Variants in ADGRL3 observed in about 807,000 individuals in gnomAD.
The protein encoded by ADGRL3 is calcium-independent alpha-latrotoxin receptor 3.
ADGRL3 carries 62 observed loss-of-function variants against 153.5 expected under a neutral mutation model. That is an observed-to-expected ratio of 0.40 (90% CI 0.33 to 0.50). The LOEUF is 0.50. Among genes scored for constraint, ADGRL3 ranks in the 20% least tolerant of loss-of-function variants. The pLI, the probability that ADGRL3 is intolerant of heterozygous loss-of-function variation, is 0.47. For missense variants in ADGRL3, 1,641 were observed against 1,859.4 expected, an observed-to-expected ratio of 0.88 and a Z score of 2.16; for synonymous variants, 710 against 672.5, an observed-to-expected ratio of 1.06 and a Z score of -0.86.
At chr4:61,339,251 A>G (rs2151100466) in intron 1 of ADGRL3, among the ~76,000 whole-genome samples, 1 of 152,316 alleles carries the variant, frequency 6.6e-6, no homozygotes, top group East Asian at 1.9e-4. Flanking sequence ...CCGTAACACA[A>G]TGCTTCACAC....
intron 9 of ADGRL3, among the ~76,000 whole-genome samples, chr4:61,883,130 A>G (rs974073970): frequency 1.3e-5 from 2 of 152,052 alleles, no homozygotes; most frequent in African/African-American, 2.4e-5. Context: ...AACGAAACAA[A>G]ACAAAAAAAT....
intron 5 of ADGRL3, among the ~76,000 whole-genome samples, chr4:61,661,888 A>G (rs1172989905): frequency 1.3e-5 from 2 of 152,252 alleles, no homozygotes; most frequent in Non-Finnish European, 2.9e-5. Context: ...GTATGTATTT[A>G]TCTGTTCTCA....
At chr4:61,720,312 A>G (rs1279749459) in intron 6 of ADGRL3, among the ~76,000 whole-genome samples, 1 of 151,618 alleles carries the variant, frequency 6.6e-6, no homozygotes, top group Non-Finnish European at 1.5e-5. Context: ...CTGGTGTCCA[A>G]CTCCCGACCT....
At chr4:61,742,123 G>C (rs1367854759) in intron 8 of ADGRL3, among the ~76,000 whole-genome samples, 1 of 152,086 alleles carries the variant, frequency 6.6e-6, no homozygotes, top group Non-Finnish European at 1.5e-5. Context: ...TTATCTAGGG[G>C]TTCCACCGTA....
chr4:61,276,895 T>C (rs956444247), intron 1 of ADGRL3, among the ~76,000 whole-genome samples: 3 of 152,126 alleles, frequency 2.0e-5, no homozygotes, highest in Admixed American at 2.0e-4. Flanking sequence ...ATACCCAATA[T>C]TAAACAGAAC....
chr4:61,933,791 C>G (rs1238734017), intron 13 of ADGRL3: 2 of 152,174 alleles, frequency 1.3e-5, no homozygotes, highest in South Asian at 2.1e-4. Flanking sequence ...TTTCTCTAGT[C>G]TCTCCCAGCC....
At chr4:61,462,036 T>A (rs2097826049) in intron 2 of ADGRL3, among the ~76,000 whole-genome samples, 1 of 152,224 alleles carries the variant, frequency 6.6e-6, no homozygotes, top group Non-Finnish European at 1.5e-5. Flanking sequence ...TATTTATACA[T>A]GTAATTAAAT....
At chr4:61,317,214 C>G (rs563827964) in intron 1 of ADGRL3, among the ~76,000 whole-genome samples, 1 of 152,296 alleles carries the variant, frequency 6.6e-6, no homozygotes, top group Admixed American at 6.5e-5. Flanking sequence ...ACCTGTTCTT[C>G]AAGTACATTA....
In ADGRL3 at chr4:61,397,033, TATG is replaced by T. The variant is rs200990360; in HGVS notation, c.-174+13847_-174+13849del. Among the ~76,000 whole-genome samples the T allele has an allele frequency of 9.7e-3, 1,477 of 151,522 alleles. 10 individuals carry two copies. Among genetic ancestry groups the T allele is most frequent in the African/African-American group, 0.012 (513 of 41,460 alleles). ...GGTTTATATTTTATTAGTTTTCTAA[TATG>T]ATAAGTATATATTTATACTATAAAA... On this transcript the variant is annotated intron_variant, in intron 2 of 26. Transcript: ENST00000683033.
At chr4:62,056,633 T>G (rs1232404916) in intron 25 of ADGRL3, among the ~76,000 whole-genome samples, 1 of 151,920 alleles carries the variant, frequency 6.6e-6, no homozygotes, top group Non-Finnish European at 1.5e-5. Flanking sequence ...AAAAATGAAG[T>G]CTCCACTGTG....
rs533162079 is a variant in ADGRL3 at position 61,358,558 on chromosome 4, C to T, written c.-239-24566C>T. Among the ~76,000 whole-genome samples, 24 of 138,780 alleles carry T rather than the reference C, an allele frequency of 1.7e-4. No individual in the cohort carries two copies. The South Asian group carries it at 3.6e-3, about 21-fold the overall frequency. 91.0% of individuals were successfully genotyped at this position (138,780 alleles called of 152,430 possible). A position where few individuals can be genotyped will look rare whatever the true frequency, so the allele number is the denominator to read the frequency against. On this transcript the variant is annotated intron_variant, in intron 1 of 26. Coordinates refer to ENST00000683033, the MANE Select transcript of ADGRL3 (RefSeq NM_001387552.1). ...CTTGCAGTGAGTGGAGATCGTGCCACTGCACTCCAGCCTGGGCGACAGAGC... is the reference window on the plus strand; with the variant it reads ...CTTGCAGTGAGTGGAGATCGTGCCATTGCACTCCAGCCTGGGCGACAGAGC...
chr4:61,907,752 ATAT>A (rs1384864181), intron 11 of ADGRL3, among the ~76,000 whole-genome samples: 5 of 152,110 alleles, frequency 3.3e-5, no homozygotes, highest in African/African-American at 1.2e-4. Flanking sequence ...GCAAAAATTG[ATAT>A]TATTATCTTT....
chr4:61,441,112 A>T (rs994913831), intron 2 of ADGRL3, among the ~76,000 whole-genome samples: 1 of 152,120 alleles, frequency 6.6e-6, no homozygotes, highest in African/African-American at 2.4e-5. Flanking sequence ...CTCCTCTTAG[A>T]TAATTCCTAA....
intron 4 of ADGRL3, among the ~76,000 whole-genome samples, chr4:61,586,792 A>T (rs2098948360): frequency 6.6e-6 from 1 of 152,120 alleles, no homozygotes; most frequent in Non-Finnish European, 1.5e-5. Flanking sequence ...GAAATAGATT[A>T]CTTAAATAAG....
rs965934582 is a variant in ADGRL3, at chr4:61,516,093, A to G, written c.56-1222A>G. On this transcript the variant is annotated intron_variant, in intron 3 of 26. Coordinates refer to ENST00000683033, the MANE Select transcript of ADGRL3 (RefSeq NM_001387552.1). ...TCAGACTTATATTTTAAAGTTTTCC[A>G]TTATAGATATATTGTTTAACATATT... is the stretch of plus-strand genomic sequence containing the variant. 2.0e-5 allele frequency among the ~76,000 whole-genome samples: 3 copies of G among 152,140 alleles called. No homozygotes were observed. The South Asian group carries it at 6.2e-4, about 32-fold the overall frequency.
intron 24 of ADGRL3, among the ~76,000 whole-genome samples, chr4:62,043,750 G>A (rs1050565691): frequency 2.0e-5 from 3 of 151,838 alleles, no homozygotes; most frequent in African/African-American, 7.2e-5. Context: ...ATCCCCCAAT[G>A]GAAAAAGTTT....
chr4:61,461,517 A>C (rs1424037809), intron 2 of ADGRL3, among the ~76,000 whole-genome samples: 9 of 152,184 alleles, frequency 5.9e-5, no homozygotes, highest in African/African-American at 2.2e-4. Flanking sequence ...TTGTATCAAT[A>C]AATAAATATA....
At chr4:61,696,362 A>G (rs1445730382) in intron 6 of ADGRL3, among the ~76,000 whole-genome samples, 1 of 152,110 alleles carries the variant, frequency 6.6e-6, no homozygotes, top group Non-Finnish European at 1.5e-5. Context: ...CCTGAAGATG[A>G]TATTTAATAT....
chr4:61,646,444 G>T (rs976859111), intron 5 of ADGRL3, among the ~76,000 whole-genome samples: 37 of 151,938 alleles, frequency 2.4e-4, no homozygotes, highest in African/African-American at 9.0e-4. Context: ...TGATGATGGT[G>T]ATGTACAGAT....
Sources: allele counts gnomAD v4.1 joint callset (sites outside exome capture counted in the v4.1 genomes callset), GRCh38; gene constraint gnomAD v4.1.1; transcripts MANE v1.5; gene names NCBI Gene and HGNC (gene_info 2026-07-23, HGNC 2026-07-21).